MCCC2: variants seen among roughly 807,000 people sequenced by gnomAD.
MCCC2 encodes the protein methylcrotonyl-CoA carboxylase subunit 2, also known as methylcrotonoyl-CoA carboxylase beta chain, mitochondrial.
In MCCC2, 52 loss-of-function variants were observed where a neutral mutation model predicts 77.2. The observed-to-expected ratio is 0.67, with a 90% confidence interval of 0.54 to 0.85. MCCC2 has a LOEUF of 0.85. MCCC2 is among the 40% of genes least tolerant of loss of function. The probability of loss-of-function intolerance (pLI) is 0.00; values close to 1 mark genes in which losing one functional copy is unlikely to be tolerated. For synonymous variants in MCCC2, 253 were observed against 248.4 expected (o/e 1.02, Z -0.18); for missense variants, 682 against 703.2 (o/e 0.97, Z 0.34).
At chr5:71,594,692 G>A (rs150779932) in intron 2 of MCCC2, among the ~76,000 whole-genome samples, 1 of 152,058 alleles carries the variant, frequency 6.6e-6, no homozygotes, top group Non-Finnish European at 1.5e-5. Context: ...GAGGTAGGGA[G>A]AAGGGGGAAA....
rs1041557611 is a variant in MCCC2, at chr5:71,632,168, T to G, written c.786T>G (p.Gly262=). The change falls in exon 8 of 17, where the codon GGT becomes GGG. Residue 262 remains glycine, a synonymous_variant. Transcript: ENST00000340941. ...AAGTATCTGCTGAGGATCTTGGAGG[T>G]GCTGATCTTCATTGCAGGTGAAACA... ...GEEVSAEDLG[G]ADLHCRKSGV... is the part of the protein sequence containing the mutation. 5.0e-6 allele frequency: 8 copies of G among 1,614,012 alleles called. No individual in the cohort carries two copies. Among genetic ancestry groups the G allele is most frequent in the Non-Finnish European group, 5.9e-6 (7 of 1,179,998 alleles).
chr5:71,658,163 A>G lies in MCCC2; in HGVS notation c.*1303A>G, dbSNP rs1747633132. 2 of 152,080 alleles carry G rather than the reference A, an allele frequency of 1.3e-5. No homozygotes were observed. Among genetic ancestry groups the G allele is most frequent in the Admixed American group, 1.3e-4 (2 of 15,280 alleles). 9.4% of individuals were successfully genotyped at this position (152,080 alleles called of 1,614,324 possible). A position where few individuals can be genotyped will look rare whatever the true frequency, so the allele number is the denominator to read the frequency against. On this transcript the variant is annotated 3_prime_UTR_variant, in exon 17 of 17. Coordinates refer to ENST00000340941, the MANE Select transcript of MCCC2 (RefSeq NM_022132.5). ...AATCCCTGAATGCCACCAAGATCTT[A>G]ATCTTCACATCTTTAATCTTATCTC... is the stretch of plus-strand genomic sequence containing the variant.
intron 11 of MCCC2, among the ~76,000 whole-genome samples, chr5:71,643,173 A>G (rs1259358285): frequency 6.6e-6 from 1 of 152,142 alleles, no homozygotes; most frequent in Admixed American, 6.5e-5. Context: ...ACTTGAGCCC[A>G]GGAGTTCCAG....
chr5:71,590,986 G>C (rs1298927676), intron 1 of MCCC2, among the ~76,000 whole-genome samples: 4 of 152,122 alleles, frequency 2.6e-5, no homozygotes, highest in Non-Finnish European at 5.9e-5. Context: ...TATTGTGTTA[G>C]CTCCAACTGG....
intron 6 of MCCC2, among the ~76,000 whole-genome samples, chr5:71,609,923 G>A (rs892715118): frequency 5.9e-5 from 9 of 151,942 alleles, no homozygotes; most frequent in African/African-American, 1.9e-4. Context: ...CAGTCTGCCC[G>A]TTCTCAGATC....
At chr5:71,638,016 G>A (rs1437729542) in intron 10 of MCCC2, among the ~76,000 whole-genome samples, 1 of 152,056 alleles carries the variant, frequency 6.6e-6, no homozygotes, top group Non-Finnish European at 1.5e-5. Flanking sequence ...CTGGCCCAGG[G>A]TAGAACTTTC....
chr5:71,631,749 C>T (rs1746723083), intron 7 of MCCC2, among the ~76,000 whole-genome samples: 1 of 151,852 alleles, frequency 6.6e-6, no homozygotes, highest in African/African-American at 2.4e-5. Flanking sequence ...ACCTTGTTAG[C>T]CAGCATGGTC....
rs528199582 is a variant in MCCC2 at position 71,599,901 on chromosome 5, C to T, written c.383+141C>T. On this transcript the variant is annotated intron_variant, in intron 4 of 16. Coordinates refer to ENST00000340941, the MANE Select transcript of MCCC2 (RefSeq NM_022132.5). ...GTAGGACTGGCTGGGTGTGGTGGCT[C>T]ACGCCTGTAATCCCAGCACTTTGGG... 5 of 750,858 alleles carry T rather than the reference C, an allele frequency of 6.7e-6. No homozygotes were observed. The East Asian group carries it at 1.1e-4, about 16-fold the overall frequency. The allele number at this position is 750,858 out of a possible 1,614,324, so 46.5% of individuals were successfully genotyped here.
At chr5:71,618,732 AG>A (rs1435740771) in intron 6 of MCCC2, among the ~76,000 whole-genome samples, 3 of 152,158 alleles carry the variant, frequency 2.0e-5, no homozygotes, top group Non-Finnish European at 4.4e-5. Context: ...ATTCTGTTAT[AG>A]CAGCAGCAAA....
At chr5:71,648,213 T>C (rs1747323527) in intron 13 of MCCC2, among the ~76,000 whole-genome samples, 1 of 152,142 alleles carries the variant, frequency 6.6e-6, no homozygotes, top group African/African-American at 2.4e-5. Context: ...AAACCAGGGA[T>C]AGTGGCAGTC....
At chr5:71,623,813 G>A (rs1022377929) in intron 6 of MCCC2, among the ~76,000 whole-genome samples, 23 of 152,150 alleles carry the variant, frequency 1.5e-4, no homozygotes, top group African/African-American at 5.6e-4. Flanking sequence ...GGTTGTTGAG[G>A]AACTGTGGAG....
At position 71,626,546 on chromosome 5, in the gene MCCC2, G is replaced by C. The variant is rs1485028490; in HGVS notation, c.625-94G>C. 6 of 925,466 alleles carry C rather than the reference G, an allele frequency of 6.5e-6. No homozygotes were observed. The South Asian group carries it at 8.1e-5, about 13-fold the overall frequency. 57.3% of individuals were successfully genotyped at this position (925,466 alleles called of 1,614,324 possible). ...CAGGGACCAACCAGTAATATCCCCTGGTCACTGCAGTGTTTGTGGGATTCT... is the reference window on the plus strand; with the variant it reads ...CAGGGACCAACCAGTAATATCCCCTCGTCACTGCAGTGTTTGTGGGATTCT... On this transcript the variant is annotated intron_variant, in intron 6 of 16. Coordinates refer to ENST00000340941, the MANE Select transcript of MCCC2 (RefSeq NM_022132.5).
At position 71,656,722 on chromosome 5, in the gene MCCC2, CTT is replaced by C. The variant is rs1561850743; in HGVS notation, c.1575-15_1575-14del. 10 of 1,589,290 alleles carry C rather than the reference CTT, an allele frequency of 6.3e-6. No individual in the cohort carries two copies. The highest frequency in any genetic ancestry group is 1.1e-5 in the South Asian group (1 of 90,584). Reference sequence around the variant, plus strand: ...GTAGTTTGGTGGTAAATTCATAACTCTTTTTTTGTTCTTTTGTCAGGGTATGG... The same window carrying C: ...GTAGTTTGGTGGTAAATTCATAACTCTTTTTGTTCTTTTGTCAGGGTATGG... On this transcript the variant is annotated intron_variant, in intron 16 of 16. Transcript: ENST00000340941.
At chr5:71,597,957 A>G (rs551454129) in intron 3 of MCCC2, among the ~76,000 whole-genome samples, 1 of 152,328 alleles carries the variant, frequency 6.6e-6, no homozygotes, top group Non-Finnish European at 1.5e-5. Context: ...CTTACTGTGT[A>G]ACCTTAGACA....
chr5:71,606,334 G>A (rs1745675419), intron 6 of MCCC2, among the ~76,000 whole-genome samples: 1 of 151,814 alleles, frequency 6.6e-6, no homozygotes, highest in Non-Finnish European at 1.5e-5. Flanking sequence ...TCTCTTTGAA[G>A]CAATTGTGAA....
chr5:71,641,824 A>T (rs1020694841), intron 11 of MCCC2, among the ~76,000 whole-genome samples: 7 of 152,214 alleles, frequency 4.6e-5, no homozygotes, highest in African/African-American at 1.7e-4. Flanking sequence ...CAAATTGCAA[A>T]TATACATTGA....
chr5:71,624,726 G>GCTT (rs1189027478), intron 6 of MCCC2, among the ~76,000 whole-genome samples: 1 of 120,756 alleles, frequency 8.3e-6, no homozygotes, highest in Non-Finnish European at 1.6e-5. Flanking sequence ...ATGGAGTCTT[G>GCTT]CTTTGTCGCC....
At chr5:71,616,860 C>A (rs1367479519) in intron 6 of MCCC2, among the ~76,000 whole-genome samples, 1 of 152,132 alleles carries the variant, frequency 6.6e-6, no homozygotes, top group African/African-American at 2.4e-5. Flanking sequence ...CACCCTTGGG[C>A]AGTTCCTCTC....
intron 6 of MCCC2, among the ~76,000 whole-genome samples, chr5:71,625,801 C>A (rs1746511866): frequency 6.6e-6 from 1 of 152,108 alleles, no homozygotes; most frequent in Admixed American, 6.6e-5. Flanking sequence ...TTGATTATAC[C>A]AGTATGGCAT....
Sources: allele counts gnomAD v4.1 joint callset (sites outside exome capture counted in the v4.1 genomes callset), GRCh38; gene constraint gnomAD v4.1.1; transcripts MANE v1.5; gene names NCBI Gene and HGNC (gene_info 2026-07-23, HGNC 2026-07-21).